SLC12A4: variants seen among roughly 807,000 people sequenced by gnomAD.
The protein encoded by SLC12A4 is solute carrier family 12 member 4.
A neutral mutation model predicts 119.2 loss-of-function variants in SLC12A4; 84 were observed. The ratio of observed to expected loss-of-function variants is 0.70; its 90% CI spans 0.59 to 0.85. SLC12A4 has a LOEUF of 0.85. Ranked by LOEUF, SLC12A4 falls within the 40% of genes least tolerant of loss-of-function variation. SLC12A4 has a pLI of 0.00. For synonymous variants in SLC12A4, 599 were observed against 604.6 expected, an observed-to-expected ratio of 0.99 and a Z score of 0.14; for missense variants, 1,298 against 1,476.3, an observed-to-expected ratio of 0.88 and a Z score of 1.98.
At chr16:67,955,622 T>A (rs760576995) in intron 5 of SLC12A4, among the ~76,000 whole-genome samples, 9 of 152,144 alleles carry the variant, frequency 5.9e-5, no homozygotes, top group Admixed American at 2.6e-4. Flanking sequence ...GGCCCACATC[T>A]GTAATCCCAG....
chr16:67,964,010 A>G, intron 1 of SLC12A4: 1 of 1,551,088 alleles, frequency 6.4e-7, no homozygotes, highest in Non-Finnish European at 8.7e-7. Flanking sequence ...AGCCGCACAC[A>G]GCACCTTCGG....
At chr16:67,955,573 G>T (rs1300686699) in intron 5 of SLC12A4, among the ~76,000 whole-genome samples, 1 of 151,568 alleles carries the variant, frequency 6.6e-6, no homozygotes, top group East Asian at 1.9e-4. Flanking sequence ...AAAAGGAAAT[G>T]ATAAAAATAT....
chr16:67,956,908 T>C (rs1382315447), intron 5 of SLC12A4, among the ~76,000 whole-genome samples: 1 of 152,088 alleles, frequency 6.6e-6, no homozygotes, highest in African/African-American at 2.4e-5. Flanking sequence ...CTAAGACTTA[T>C]ATATACCAAA....
At chr16:67,968,379 T>C in intron 1 of SLC12A4, 60 bp downstream of exon 1, 1 of 1,439,400 alleles carries the variant, frequency 6.9e-7, no homozygotes, top group African/African-American at 1.5e-5. Flanking sequence ...GGGCCCGGGA[T>C]GGCGGCCCCG....
At position 67,943,585 on chromosome 16, in the gene SLC12A4, C is replaced by T. The variant is rs1347187378; in HGVS notation, c.*1255G>A. ...GCATGGATGGGCCTCTCCTGCTCAC[C>T]GATCCTGGGCTGGGCATCTTGTCCT... is the stretch of plus-strand genomic sequence containing the variant. On this transcript the variant is annotated 3_prime_UTR_variant, in exon 24 of 24. Transcript: ENST00000316341. This position sits in a 1 kb window ranked among gnomAD's most constrained non-coding sequence, Gnocchi z 4.6. 9 of 499,980 alleles carry T rather than the reference C, an allele frequency of 1.8e-5. No homozygotes were observed. The highest frequency in any genetic ancestry group is 9.9e-5 in the Admixed American group (3 of 30,308). The allele number at this position is 499,980 out of a possible 1,614,324, so 31.0% of individuals were successfully genotyped here.
In SLC12A4 at chr16:67,950,341, T is replaced by A; in HGVS notation, c.1607A>T (p.Asp536Val). 6.2e-7 allele frequency: 1 copy of A among 1,613,946 alleles called. No homozygotes were observed. Among genetic ancestry groups the A allele is most frequent in the Non-Finnish European group, 8.5e-7 (1 of 1,179,998 alleles). The change falls in exon 12 of 24, where the codon GAC (aspartate) becomes GTC (valine). Residue 536 changes from aspartate (D) to valine (V), a missense_variant. Physicochemically the swap from Asp to Val is radical, Grantham distance 152. Transcript: ENST00000316341. This position sits in a 1 kb window ranked among gnomAD's most constrained non-coding sequence, Gnocchi z 4.3. ...APRLLQAIAKDNIIPFLRVFG... is the reference protein window; with the variant it reads ...APRLLQAIAKVNIIPFLRVFG... ...CACCCGGAGGAAGGGGATGATGTTG[T>A]CCTTGGCAATGGCCTGCAATAGGCG...
chr16:67,946,404 A>C (rs1598209693), intron 18 of SLC12A4, 34 bp downstream of exon 18: 1 of 1,602,476 alleles, frequency 6.2e-7, no homozygotes, highest in Admixed American at 1.7e-5. Flanking sequence ...ACCTCACTTC[A>C]CCCCTGCCCA....
chr16:67,955,503 C>G (rs1190286654), intron 5 of SLC12A4, among the ~76,000 whole-genome samples: 1 of 152,170 alleles, frequency 6.6e-6, no homozygotes, highest in African/African-American at 2.4e-5. Flanking sequence ...GAGTGGATTG[C>G]TTGAGCTCAG....
At chr16:67,960,749 G>A (rs1272149446) in intron 3 of SLC12A4, among the ~76,000 whole-genome samples, 2 of 151,546 alleles carry the variant, frequency 1.3e-5, no homozygotes, top group Non-Finnish European at 2.9e-5. Flanking sequence ...ACACTGAGCC[G>A]CAATGACACA....
In SLC12A4 at chr16:67,951,448, G is replaced by A. The variant is rs545683100; in HGVS notation, c.1133-144C>T. On this transcript the variant is annotated intron_variant, in intron 8 of 23. Coordinates refer to ENST00000316341, the MANE Select transcript of SLC12A4 (RefSeq NM_005072.5). The surrounding 1 kb of genome is among the most constrained non-coding windows in gnomAD (Gnocchi z 5.2). ...CCAATGACTGCAGCGTCAGCCACAGGGCTACCCTGACCACAGAGAAGGAGC... is the reference window on the plus strand; with the variant it reads ...CCAATGACTGCAGCGTCAGCCACAGAGCTACCCTGACCACAGAGAAGGAGC... 3.3e-6 allele frequency: 3 copies of A among 898,396 alleles called. No homozygotes were observed. Among genetic ancestry groups the A allele is most frequent in the Non-Finnish European group, 5.0e-6 (3 of 604,868 alleles). The allele number at this position is 898,396 out of a possible 1,614,324, so 55.7% of individuals were successfully genotyped here. A position where few individuals can be genotyped will look rare whatever the true frequency, so the allele number is the denominator to read the frequency against.
chr16:67,954,897 A>G (rs2030164147), intron 5 of SLC12A4, 124 bp from the exon 6 acceptor site: 1 of 1,247,756 alleles, frequency 8.0e-7, no homozygotes, highest in Non-Finnish European at 1.1e-6. Flanking sequence ...GTGGATGAGT[A>G]GAGGGGCTGG....
At position 67,954,659 on chromosome 16, in the gene SLC12A4, G is replaced by A; in HGVS notation, c.659C>T (p.Ala220Val). The A allele has an allele frequency of 6.2e-7, 1 of 1,614,186 alleles. No individual in the cohort carries two copies. The highest frequency in any genetic ancestry group is 8.5e-7 in the Non-Finnish European group (1 of 1,180,026). Residue 220 changes from alanine to valine, a missense_variant, in exon 6 of 24, where the codon GCC becomes GTC. Physicochemically the swap from Ala to Val is moderately conservative, Grantham distance 64 (BLOSUM62 0). Transcript: ENST00000316341. ...CTGACTCACCAGCAAGATCTCGATG[G>A]CCCCCAGGATGTACATGGCTGCTGC... ...TFAAAMYILG[A>V]IEILLTYIAP...
Position 67,968,435 on chromosome 16 carries a change from T to G in SLC12A4, c.115+4A>C. 6.4e-7 allele frequency: 1 copy of G among 1,567,566 alleles called. No individual in the cohort carries two copies. The highest frequency in any genetic ancestry group is 8.6e-7 in the Non-Finnish European group (1 of 1,163,852). ...CGCCACGGCCCCTCAGAACGCGCCCTCACCGTCCGAGTCATCCAGCTCGGC... is the reference window on the plus strand; with the variant it reads ...CGCCACGGCCCCTCAGAACGCGCCCGCACCGTCCGAGTCATCCAGCTCGGC... On this transcript the variant is annotated splice_donor_region_variant and intron_variant, in intron 1 of 23. Coordinates refer to ENST00000316341, the MANE Select transcript of SLC12A4 (RefSeq NM_005072.5).
rs1344863313 is a variant in SLC12A4, at chr16:67,950,324, G to A, written c.1624C>T (p.Leu542Phe). Residue 542 changes from leucine (L) to phenylalanine (F), a missense_variant, in exon 12 of 24, where the codon CTC (leucine) becomes TTC (phenylalanine). Coordinates refer to ENST00000316341, the MANE Select transcript of SLC12A4 (RefSeq NM_005072.5). The surrounding 1 kb of genome is among the most constrained non-coding windows in gnomAD (Gnocchi z 4.3). Reference protein sequence around the residue: ...AIAKDNIIPFLRVFGHGKVNG... With the variant: ...AIAKDNIIPFFRVFGHGKVNG... ...GGGAGTGCAGAGGGGCTCACCCGGAGGAAGGGGATGATGTTGTCCTTGGCA... is the reference window on the plus strand; with the variant it reads ...GGGAGTGCAGAGGGGCTCACCCGGAAGAAGGGGATGATGTTGTCCTTGGCA... 4.3e-6 allele frequency: 7 copies of A among 1,613,774 alleles called. No homozygotes were observed. The highest frequency in any genetic ancestry group is 5.1e-6 in the Non-Finnish European group (6 of 1,179,970).
chr16:67,955,739 C>T (rs1261668475), intron 5 of SLC12A4, among the ~76,000 whole-genome samples: 7 of 151,828 alleles, frequency 4.6e-5, no homozygotes, highest in African/African-American at 1.5e-4. Flanking sequence ...ATTAGCTAGG[C>T]GTGGCGGTGT....
rs145842261 is a variant in SLC12A4, at chr16:67,950,920, C to A, written c.1396+42G>T. ...GGCAACGTACACAGGCCAAGCGCTTCCCGTCCTCTGCCCCACCTGCCCCAG... is the reference window on the plus strand; with the variant it reads ...GGCAACGTACACAGGCCAAGCGCTTACCGTCCTCTGCCCCACCTGCCCCAG... On this transcript the variant is annotated intron_variant, in intron 10 of 23. Transcript: ENST00000316341. This position sits in a 1 kb window ranked among gnomAD's most constrained non-coding sequence, Gnocchi z 4.3. 1 of 1,599,772 alleles carries A rather than the reference C, an allele frequency of 6.3e-7. No individual in the cohort carries two copies. The highest frequency in any genetic ancestry group is 2.2e-5 in the East Asian group (1 of 44,718).
At chr16:67,954,273 G>C (rs77262706) in intron 6 of SLC12A4, 2 of 328,962 alleles carry the variant, frequency 6.1e-6, no homozygotes, top group South Asian at 2.5e-5. Flanking sequence ...ACAGAGCCCC[G>C]GAGGACACAG....
intron 3 of SLC12A4, among the ~76,000 whole-genome samples, chr16:67,959,279 G>T (rs1214520582): frequency 6.6e-6 from 1 of 152,174 alleles, no homozygotes; most frequent in Non-Finnish European, 1.5e-5. Flanking sequence ...TGCAGCCTCC[G>T]AAGTGTGGCC....
At chr16:67,947,961 CCA>C in intron 14 of SLC12A4, 98 bp downstream of exon 14, 2 of 1,488,300 alleles carry the variant, frequency 1.3e-6, no homozygotes, top group Non-Finnish European at 1.9e-6. Context: ...ATCTCCCTCC[CCA>C]CAGTGTTTCA....
Sources: gnomAD v4.1 joint callset for allele counts (sites outside exome capture counted in the v4.1 genomes callset) on GRCh38, gnomAD v4.1.1 for gene constraint, Gnocchi (gnomAD v3.1) non-coding constraint, MANE v1.5 for transcripts, NCBI Gene and HGNC (gene_info 2026-07-23, HGNC 2026-07-21) for gene names.